CELF2: variants seen among roughly 807,000 people sequenced by gnomAD.
CELF2 encodes the protein CUG triplet repeat RNA-binding protein 2.
In CELF2, 8 loss-of-function variants were observed where a neutral mutation model predicts 62.6. The ratio of observed to expected loss-of-function variants is 0.13; its 90% CI spans 0.07 to 0.23. CELF2 has a LOEUF of 0.23. CELF2 is among the 10% of genes least tolerant of loss of function. CELF2 has a pLI of 1.00. For synonymous variants in CELF2, 258 were observed against 250.0 expected (o/e 1.03, Z -0.30); for missense variants, 333 against 671.0 (o/e 0.50, Z 5.56).
At chr10:10,468,660 A>G in the CELF2 span, among the ~76,000 whole-genome samples, 2 of 151,952 alleles carry the variant, frequency 1.3e-5, no homozygotes, top group Admixed American at 6.6e-5. Flanking sequence ...CTCTTCAACT[A>G]GGGCGTGAAC....
At chr10:10,643,871 C>A in the CELF2 span, among the ~76,000 whole-genome samples, 1 of 152,174 alleles carries the variant, frequency 6.6e-6, no homozygotes, top group African/African-American at 2.4e-5. Flanking sequence ...CATGTTGAAC[C>A]TTTGACACAG....
chr10:10,945,529 C>T (rs576463469), intron 2 of CELF2, among the ~76,000 whole-genome samples: 6 of 152,272 alleles, frequency 3.9e-5, no homozygotes, highest in East Asian at 3.9e-4. Context: ...AGAGACAAGC[C>T]GAGAACTACC....
At chr10:10,696,286 C>G in the CELF2 span, among the ~76,000 whole-genome samples, 1 of 151,916 alleles carries the variant, frequency 6.6e-6, no homozygotes. Flanking sequence ...TGTGCCCCTG[C>G]TGGGGGGTGC....
At chr10:10,765,830 A>G in the CELF2 span, among the ~76,000 whole-genome samples, 1 of 152,072 alleles carries the variant, frequency 6.6e-6, no homozygotes, top group Non-Finnish European at 1.5e-5. Context: ...CAGTTGGTGC[A>G]ATTTCCCATT....
intron 1 of CELF2, among the ~76,000 whole-genome samples, chr10:11,077,738 G>A (rs1313248154): frequency 1.3e-5 from 2 of 152,142 alleles, no homozygotes; most frequent in African/African-American, 2.4e-5. Flanking sequence ...CCTCTTGACA[G>A]ATGAATTATG....
At chr10:10,697,470 T>A in the CELF2 span, among the ~76,000 whole-genome samples, 1 of 152,128 alleles carries the variant, frequency 6.6e-6, no homozygotes, top group African/African-American at 2.4e-5. Context: ...GAGGTTGATA[T>A]CTTAGTCTGT....
At chr10:11,147,454 A>G (rs778352377) in intron 1 of CELF2, among the ~76,000 whole-genome samples, 14 of 152,182 alleles carry the variant, frequency 9.2e-5, no homozygotes, top group Non-Finnish European at 1.8e-4. Flanking sequence ...TAAAAACCAA[A>G]GCTACTTCCC....
chr10:10,909,177 G>A (rs1203969833), intron 1 of CELF2, among the ~76,000 whole-genome samples: 2 of 152,216 alleles, frequency 1.3e-5, no homozygotes, highest in Non-Finnish European at 2.9e-5. Flanking sequence ...GGCCCAGGGA[G>A]AGGGAGGTCC....
intron 2 of CELF2, among the ~76,000 whole-genome samples, chr10:10,994,635 G>A (rs2053762533): frequency 1.3e-5 from 2 of 152,184 alleles, no homozygotes; most frequent in Non-Finnish European, 2.9e-5. Flanking sequence ...AACAGCACAT[G>A]CAAGGGATCT....
rs1254091708 is a variant in CELF2 at position 10,983,071 on chromosome 10, T to A, written c.89+63072T>A. ...GCCCTTTACTGACTTGGAGGTTGCA[T>A]CTTCTCAATCCGGTAATTAGCTGAA... On this transcript the variant is annotated intron_variant, in intron 2 of 13. Coordinates refer to the CELF2 transcript ENST00000636488. This position sits in a 1 kb window ranked among gnomAD's most constrained non-coding sequence, Gnocchi z 5.2. Among the ~76,000 whole-genome samples, 1 of 152,194 alleles carries A rather than the reference T, an allele frequency of 6.6e-6. No individual in the cohort carries two copies. The highest frequency in any genetic ancestry group is 1.5e-5 in the Non-Finnish European group (1 of 68,030).
At chr10:10,974,460 A>T (rs150351062) in intron 2 of CELF2, among the ~76,000 whole-genome samples, 1 of 152,322 alleles carries the variant, frequency 6.6e-6, no homozygotes, top group East Asian at 1.9e-4. Flanking sequence ...TCTCCATAAG[A>T]TAGACTGGAT....
chr10:10,622,220 G>A, the CELF2 span, among the ~76,000 whole-genome samples: 1 of 152,196 alleles, frequency 6.6e-6, no homozygotes, highest in African/African-American at 2.4e-5. Context: ...AATTTTAGAA[G>A]CAGATCTCAA....
At chr10:11,141,786 C>G (rs2061392684) in intron 1 of CELF2, among the ~76,000 whole-genome samples, 1 of 152,192 alleles carries the variant, frequency 6.6e-6, no homozygotes. Flanking sequence ...GACATTTAGT[C>G]TAGTTGGGAG....
chr10:10,466,851 T>C, the CELF2 span, among the ~76,000 whole-genome samples: 1 of 152,088 alleles, frequency 6.6e-6, no homozygotes, highest in South Asian at 2.1e-4. Context: ...GTAAAGTATC[T>C]GTTCTAATAT....
chr10:10,588,610 T>A, the CELF2 span, among the ~76,000 whole-genome samples: 2 of 152,172 alleles, frequency 1.3e-5, no homozygotes, highest in Non-Finnish European at 2.9e-5. Flanking sequence ...CTTGGAGGGA[T>A]TGTAGATGAC....
intron 1 of CELF2, among the ~76,000 whole-genome samples, chr10:11,051,752 G>T (rs1204248773): frequency 6.6e-6 from 1 of 152,252 alleles, no homozygotes; most frequent in South Asian, 2.1e-4. Context: ...GGTCAAGGAA[G>T]GCTTCACTGA....
intron 2 of CELF2, among the ~76,000 whole-genome samples, chr10:11,206,634 C>T (rs1351842228): frequency 6.6e-6 from 1 of 152,156 alleles, no homozygotes; most frequent in Non-Finnish European, 1.5e-5. Context: ...GGAGTTGAGC[C>T]AATTAACGTC....
chr10:10,778,107 G>C, the CELF2 span, among the ~76,000 whole-genome samples: 1 of 152,132 alleles, frequency 6.6e-6, no homozygotes, highest in African/African-American at 2.4e-5. Flanking sequence ...GTCCAGTGTC[G>C]TGACAACAAA....
chr10:10,964,903 C>G (rs1053528513), intron 2 of CELF2, among the ~76,000 whole-genome samples: 1 of 151,998 alleles, frequency 6.6e-6, no homozygotes, highest in Non-Finnish European at 1.5e-5. Context: ...GAGCTTTTTT[C>G]TGGTCAATGG....
Sources: gnomAD v4.1 joint callset for allele counts (sites outside exome capture counted in the v4.1 genomes callset) on GRCh38, gnomAD v4.1.1 for gene constraint, Gnocchi (gnomAD v3.1) non-coding constraint, MANE v1.5 for transcripts, NCBI Gene and HGNC (gene_info 2026-07-23, HGNC 2026-07-21) for gene names.